EFCAB6: variants seen among roughly 807,000 people sequenced by gnomAD.
The protein encoded by EFCAB6 is EF-hand calcium-binding domain-containing protein 6.
Under a neutral mutation model 169.8 loss-of-function variants are expected in EFCAB6, and 156 were observed. That is an observed-to-expected ratio of 0.92 (90% CI 0.81 to 1.05). The LOEUF (loss-of-function observed/expected upper bound fraction) is 1.05, where lower values mean the gene tolerates loss of function less well. Ranked by LOEUF, EFCAB6 falls within the 50% of genes least tolerant of loss-of-function variation. EFCAB6 has a pLI of 0.00. For synonymous variants in EFCAB6, 698 were observed against 676.4 expected, an observed-to-expected ratio of 1.03 and a Z score of -0.50; for missense variants, 1,800 against 1,829.1, an observed-to-expected ratio of 0.98 and a Z score of 0.29.
chr22:43,575,284 G>A (rs1478924324), intron 26 of EFCAB6, among the ~76,000 whole-genome samples: 1 of 151,726 alleles, frequency 6.6e-6, no homozygotes, highest in African/African-American at 2.4e-5. Flanking sequence ...TCCGCCTCCT[G>A]GGTTCAGGTG....
chr22:43,730,786 C>T (rs1211706956), intron 8 of EFCAB6, among the ~76,000 whole-genome samples: 1 of 152,120 alleles, frequency 6.6e-6, no homozygotes, highest in Non-Finnish European at 1.5e-5. Context: ...ACACGCTTTG[C>T]ACAGCTCCTG....
intron 24 of EFCAB6, among the ~76,000 whole-genome samples, chr22:43,583,657 A>G (rs1272908252): frequency 1.3e-5 from 2 of 152,126 alleles, no homozygotes; most frequent in Non-Finnish European, 2.9e-5. Flanking sequence ...CCGAGCCCTC[A>G]TGAATGAGAT....
chr22:43,594,399 C>T (rs1295443832), intron 23 of EFCAB6, among the ~76,000 whole-genome samples: 2 of 151,822 alleles, frequency 1.3e-5, no homozygotes, highest in African/African-American at 4.8e-5. Context: ...ATAAGAAACT[C>T]ACTTCACCTA....
chr22:43,539,978 G>T, intron 28 of EFCAB6, 149 bp downstream of exon 28: 1 of 791,254 alleles, frequency 1.3e-6, no homozygotes, highest in Non-Finnish European at 2.0e-6. Flanking sequence ...ACCTGCCAGT[G>T]GGATCCTTGC....
intron 12 of EFCAB6, among the ~76,000 whole-genome samples, chr22:43,678,680 C>T (rs2057879221): frequency 6.6e-6 from 1 of 152,080 alleles, no homozygotes; most frequent in African/African-American, 2.4e-5. Flanking sequence ...TTCAGCCATG[C>T]TGCATAAAGA....
chr22:43,593,235 A>AT (rs2051705318), intron 23 of EFCAB6, among the ~76,000 whole-genome samples: 1 of 152,244 alleles, frequency 6.6e-6, no homozygotes, highest in East Asian at 1.9e-4. Flanking sequence ...CTAAGAGAGC[A>AT]TGGGTGTGGC....
chr22:43,571,661 A>G (rs2049882298), intron 26 of EFCAB6, among the ~76,000 whole-genome samples: 1 of 152,134 alleles, frequency 6.6e-6, no homozygotes, highest in Admixed American at 6.5e-5. Context: ...TTATTCAGAC[A>G]AAGGGACCTA....
intron 17 of EFCAB6, 58 bp downstream of exon 17, chr22:43,667,046 T>C (rs2057294046): frequency 6.4e-7 from 1 of 1,562,958 alleles, no homozygotes; most frequent in Admixed American, 1.8e-5. Context: ...AGTATGTTAG[T>C]ATAAGAAAAC....
chr22:43,781,196 G>C (rs1244358591), intron 3 of EFCAB6, among the ~76,000 whole-genome samples: 1 of 152,184 alleles, frequency 6.6e-6, no homozygotes, highest in Non-Finnish European at 1.5e-5. Flanking sequence ...GTCAAATTCT[G>C]TTGCTTTTAA....
chr22:43,646,569 A>T (rs1207021132), intron 17 of EFCAB6, among the ~76,000 whole-genome samples: 1 of 152,238 alleles, frequency 6.6e-6, no homozygotes, highest in African/African-American at 2.4e-5. Flanking sequence ...CATAATGAGA[A>T]TGTCATAAAT....
chr22:43,719,478 CAG>C (rs760602438), intron 8 of EFCAB6, among the ~76,000 whole-genome samples: 6 of 152,166 alleles, frequency 3.9e-5, no homozygotes, highest in Non-Finnish European at 8.8e-5. Context: ...GGAACCAAAA[CAG>C]AAGTTAGCAA....
At chr22:43,699,986 T>C (rs900890224) in intron 10 of EFCAB6, among the ~76,000 whole-genome samples, 3 of 152,212 alleles carry the variant, frequency 2.0e-5, no homozygotes, top group Non-Finnish European at 4.4e-5. Flanking sequence ...ATAGCATTCA[T>C]TTATTTCATC....
intron 25 of EFCAB6, among the ~76,000 whole-genome samples, chr22:43,577,725 G>A (rs933507578): frequency 6.6e-6 from 1 of 152,082 alleles, no homozygotes; most frequent in East Asian, 1.9e-4. Flanking sequence ...CAATGGCAGC[G>A]GCAGGCTCAG....
At chr22:43,611,706 G>A (rs1602598940) in intron 21 of EFCAB6, among the ~76,000 whole-genome samples, 2 of 152,280 alleles carry the variant, frequency 1.3e-5, no homozygotes, top group South Asian at 4.1e-4. Context: ...GCTGAGGTGG[G>A]AGAATGGCTT....
At chr22:43,530,060 GA>G (rs2046966674) in intron 31 of EFCAB6, among the ~76,000 whole-genome samples, 1 of 152,228 alleles carries the variant, frequency 6.6e-6, no homozygotes, top group South Asian at 2.1e-4. Flanking sequence ...GGCAGAAAAG[GA>G]AGCTGAGCCT....
intron 8 of EFCAB6, among the ~76,000 whole-genome samples, chr22:43,721,076 T>A (rs931270565): frequency 6.6e-6 from 1 of 152,074 alleles, no homozygotes; most frequent in African/African-American, 2.4e-5. Flanking sequence ...TTTCTATACA[T>A]CAATAATGTC....
Position 43,683,882 on chromosome 22 carries a change from G to A in EFCAB6, c.1143-27C>T, listed in dbSNP as rs765746360. 4.6e-6 allele frequency: 7 copies of A among 1,529,962 alleles called. No homozygotes were observed. In the South Asian group the frequency reaches 7.8e-5, roughly 17 times the overall value. The allele number at this position is 1,529,962 out of a possible 1,614,324, so 94.8% of individuals were successfully genotyped here. A position where few individuals can be genotyped will look rare whatever the true frequency, so the allele number is the denominator to read the frequency against. ...TACAAGAGGATTAGGAGAAAAGCAG[G>A]AATAAGATTATGTTCTTGAACTTTG... On this transcript the variant is annotated intron_variant, in intron 11 of 31. Transcript: ENST00000262726.
chr22:43,599,755 A>G (rs940837756), intron 23 of EFCAB6, among the ~76,000 whole-genome samples: 2 of 152,078 alleles, frequency 1.3e-5, no homozygotes, highest in African/African-American at 4.8e-5. Context: ...TTGAGCCTGC[A>G]TTCTATTTGG....
At chr22:43,610,038 G>T (rs2053195696) in intron 21 of EFCAB6, among the ~76,000 whole-genome samples, 1 of 152,214 alleles carries the variant, frequency 6.6e-6, no homozygotes, top group Non-Finnish European at 1.5e-5. Context: ...GAAACATCTA[G>T]TCCAGATTTC....
Sources: gnomAD v4.1 joint callset for allele counts (sites outside exome capture counted in the v4.1 genomes callset) on GRCh38, gnomAD v4.1.1 for gene constraint, MANE v1.5 for transcripts, NCBI Gene and HGNC (gene_info 2026-07-23, HGNC 2026-07-21) for gene names.